Variants in PEX3 observed in about 807,000 individuals in gnomAD.
PEX3 encodes the protein peroxisomal biogenesis factor 3.
In PEX3, 30 loss-of-function variants were observed where a neutral mutation model predicts 55.8. The ratio of observed to expected loss-of-function variants is 0.54; its 90% confidence interval spans 0.40 to 0.73. PEX3 has a LOEUF of 0.73. Ranked by LOEUF, PEX3 falls within the 30% of genes least tolerant of loss-of-function variation. The pLI is 0.00. For missense variants in PEX3, 351 were observed against 432.8 expected, an observed-to-expected ratio of 0.81 and a Z score of 1.68; for synonymous variants, 135 against 148.4, an observed-to-expected ratio of 0.91 and a Z score of 0.66.
chr6:143,481,423 T>C (rs992195178), intron 10 of PEX3, among the ~76,000 whole-genome samples: 4 of 151,858 alleles, frequency 2.6e-5, no homozygotes, highest in Admixed American at 2.6e-4. Flanking sequence ...GTGAGGAGAC[T>C]AAGACACAGA....
In PEX3 at chr6:143,479,974, T is replaced by C. The variant is rs542040227; in HGVS notation, c.941+776T>C. ...TTTGAAGTAGCTTTAAAATTTTTTTTTTAATTGGGGACACAGTAATTGATA... is the reference window on the plus strand; with the variant it reads ...TTTGAAGTAGCTTTAAAATTTTTTTCTTAATTGGGGACACAGTAATTGATA... On this transcript the variant is annotated intron_variant, in intron 10 of 11. Transcript: ENST00000367591. This position sits in a 1 kb window ranked among gnomAD's most constrained non-coding sequence, Gnocchi z 4.6. Among the ~76,000 whole-genome samples, 2 of 152,206 alleles carry C rather than the reference T, an allele frequency of 1.3e-5. No individual in the cohort carries two copies. The highest frequency in any genetic ancestry group is 3.9e-4 in the East Asian group (2 of 5,190).
In PEX3 at chr6:143,479,598, G is replaced by A. The variant is rs761368182; in HGVS notation, c.941+400G>A. On this transcript the variant is annotated intron_variant, in intron 10 of 11. Transcript: ENST00000367591. This position sits in a 1 kb window ranked among gnomAD's most constrained non-coding sequence, Gnocchi z 4.6. The stretch of plus-strand genomic sequence containing the variant: ...CAATATTTTGTTCCTTATAATACCC[G>A]GGCATTGTTGGTATAGATTCTCATT... Among the ~76,000 whole-genome samples, 10 of 151,692 alleles carry A rather than the reference G, an allele frequency of 6.6e-5. No homozygotes were observed. The highest frequency in any genetic ancestry group is 1.0e-4 in the Non-Finnish European group (7 of 67,890).
chr6:143,486,428 C>T lies in PEX3; in HGVS notation c.1038+1180C>T, dbSNP rs769258315. Reference sequence around the variant, plus strand: ...AATGCTTAAATAATTTTATGCACTACACTTTAATTAAAATCGATATAATTG... The same window carrying T: ...AATGCTTAAATAATTTTATGCACTATACTTTAATTAAAATCGATATAATTG... On this transcript the variant is annotated intron_variant, in intron 11 of 11. Transcript: ENST00000367591. This position sits in a 1 kb window ranked among gnomAD's most constrained non-coding sequence, Gnocchi z 5.0. Among the ~76,000 whole-genome samples, 1 of 152,038 alleles carries T rather than the reference C, an allele frequency of 6.6e-6. No individual in the cohort carries two copies. The highest frequency in any genetic ancestry group is 1.5e-5 in the Non-Finnish European group (1 of 67,968).
chr6:143,484,985 G>A, intron 10 of PEX3, 167 bp from the exon 11 acceptor site: 1 of 597,292 alleles, frequency 1.7e-6, no homozygotes. Context: ...TGGTCATGAT[G>A]TCAATTAGAG....
At position 143,475,923 on chromosome 6, in the gene PEX3, A is replaced by G. The variant is rs995409709; in HGVS notation, c.818+1067A>G. On this transcript the variant is annotated intron_variant, in intron 9 of 11. Transcript: ENST00000367591. The surrounding 1 kb of genome is among the most constrained non-coding windows in gnomAD (Gnocchi z 4.4). ...CAACTATGTATTGGCTGTCTGTGGT[A>G]TATTAGGTACTGTTCTAAATGCTAG... 6.6e-6 allele frequency among the ~76,000 whole-genome samples: 1 copy of G among 152,240 alleles called. No individual in the cohort carries two copies. Among genetic ancestry groups the G allele is most frequent in the African/African-American group, 2.4e-5 (1 of 41,464 alleles).
chr6:143,454,177 C>T lies in PEX3; in HGVS notation c.73+3062C>T, dbSNP rs903254944. Among the ~76,000 whole-genome samples, 2 of 152,184 alleles carry T rather than the reference C, an allele frequency of 1.3e-5. No individual in the cohort carries two copies. The highest frequency in any genetic ancestry group is 2.9e-5 in the Non-Finnish European group (2 of 68,020). Reference sequence around the variant, plus strand: ...ATTGAAGAAAGCTGGATTCTCATCTCTTTCTATATTCTGTCAGTTGTGGTA... The same window carrying T: ...ATTGAAGAAAGCTGGATTCTCATCTTTTTCTATATTCTGTCAGTTGTGGTA... On this transcript the variant is annotated intron_variant, in intron 1 of 11. Transcript: ENST00000367591. This position sits in a 1 kb window ranked among gnomAD's most constrained non-coding sequence, Gnocchi z 4.3.
In PEX3 at chr6:143,485,350, C is replaced by CA. The variant is rs1316485566; in HGVS notation, c.1038+108dup. On this transcript the variant is annotated intron_variant, in intron 11 of 11. Transcript: ENST00000367591. This position sits in a 1 kb window ranked among gnomAD's most constrained non-coding sequence, Gnocchi z 5.6. ...TACATTCTCTGCTGAGAGGTTTTTTCAAAAAATCACAGAACTTGGAACTAC... is the reference window on the plus strand; with the variant it reads ...TACATTCTCTGCTGAGAGGTTTTTTCAAAAAAATCACAGAACTTGGAACTAC... The CA allele has an allele frequency of 1.3e-6, 1 of 758,416 alleles. No homozygotes were observed. Among genetic ancestry groups the CA allele is most frequent in the South Asian group, 1.4e-5 (1 of 72,310 alleles). The allele number at this position is 758,416 out of a possible 1,614,324, so 47.0% of individuals were successfully genotyped here. A position where few individuals can be genotyped will look rare whatever the true frequency, so the allele number is the denominator to read the frequency against.
intron 8 of PEX3, among the ~76,000 whole-genome samples, chr6:143,473,241 T>G (rs1780099346): frequency 6.6e-6 from 1 of 151,452 alleles, no homozygotes; most frequent in Non-Finnish European, 1.5e-5. Context: ...CATTCATGAG[T>G]AGGCCAAAAA....
rs1780268312 is a variant in PEX3 at position 143,483,360 on chromosome 6, A to G, written c.942-1792A>G. Among the ~76,000 whole-genome samples the G allele has an allele frequency of 6.6e-6, 1 of 152,210 alleles. No homozygotes were observed. Among genetic ancestry groups the G allele is most frequent in the Non-Finnish European group, 1.5e-5 (1 of 68,032 alleles). On this transcript the variant is annotated intron_variant, in intron 10 of 11. Transcript: ENST00000367591. The surrounding 1 kb of genome is among the most constrained non-coding windows in gnomAD (Gnocchi z 4.3). ...AACGTATAATAGAAAAATTTAAACA[A>G]AAGTAGACAGTCAAGCAGTTTTCCT...
intron 1 of PEX3, among the ~76,000 whole-genome samples, chr6:143,452,558 ATACT>A (rs1377728261): frequency 1.3e-5 from 2 of 152,240 alleles, no homozygotes; most frequent in African/African-American, 4.8e-5. Context: ...GCAAAAGAGT[ATACT>A]TAAACTTATA....
chr6:143,468,032 T>A, intron 3 of PEX3, 90 bp from the exon 4 acceptor site: 1 of 758,116 alleles, frequency 1.3e-6, no homozygotes, highest in Non-Finnish European at 2.2e-6. Context: ...TTAATTTTTT[T>A]TAAAAAGTAA....
intron 4 of PEX3, among the ~76,000 whole-genome samples, chr6:143,468,826 G>GT (rs1780030789): frequency 2.0e-5 from 1 of 49,958 alleles, no homozygotes; most frequent in African/African-American, 7.1e-5. Flanking sequence ...CCCCACGACA[G>GT]GCCCCAGTGT....
rs1223015917 is a variant in PEX3 at position 143,485,140 on chromosome 6, A to G, written c.942-12A>G. 2 of 1,449,182 alleles carry G rather than the reference A, an allele frequency of 1.4e-6. No homozygotes were observed. Among genetic ancestry groups the G allele is most frequent in the Non-Finnish European group, 1.9e-6 (2 of 1,029,710 alleles). 89.8% of individuals were successfully genotyped at this position (1,449,182 alleles called of 1,614,324 possible). On this transcript the variant is annotated splice_polypyrimidine_tract_variant and intron_variant, in intron 10 of 11. Coordinates refer to ENST00000367591, the MANE Select transcript of PEX3 (RefSeq NM_003630.3). This position sits in a 1 kb window ranked among gnomAD's most constrained non-coding sequence, Gnocchi z 5.6. ...ATTTCAGAAAATAATCATTACTGTA[A>G]TGATTTTTCAGTCTTTCCAGTGTCA...
chr6:143,469,154 A>C (rs1780036060), intron 4 of PEX3, among the ~76,000 whole-genome samples: 1 of 152,178 alleles, frequency 6.6e-6, no homozygotes, highest in South Asian at 2.1e-4. Flanking sequence ...ATGTGTCTTT[A>C]TAGCAGCATG....
intron 10 of PEX3, among the ~76,000 whole-genome samples, chr6:143,484,008 T>C (rs775384187): frequency 2.0e-5 from 3 of 152,114 alleles, no homozygotes; most frequent in Non-Finnish European, 4.4e-5. Context: ...CTTTATTCTT[T>C]TTTAAGCATT....
Position 143,450,871 on chromosome 6 carries a change from C to T in PEX3, c.-172C>T. ...TAGCTGCTTTGCTGTAGTCCACGCC[C>T]CCTTGCCGCTCCGGTGACAGTCTCT... On this transcript the variant is annotated 5_prime_UTR_variant, in exon 1 of 12. Transcript: ENST00000367591. 1.3e-6 allele frequency: 1 copy of T among 784,820 alleles called. No homozygotes were observed. The highest frequency in any genetic ancestry group is 2.2e-6 in the Non-Finnish European group (1 of 444,514). 48.6% of individuals were successfully genotyped at this position (784,820 alleles called of 1,614,324 possible).
chr6:143,467,991 C>G (rs530944629), intron 3 of PEX3, 131 bp from the exon 4 acceptor site: 109 of 566,554 alleles, frequency 1.9e-4, no homozygotes, highest in African/African-American at 1.9e-3. Context: ...ATTTTGTGGG[C>G]TTGCTTTTCT....
chr6:143,464,657 A>G lies in PEX3; in HGVS notation c.287+1660A>G, dbSNP rs771197000. 5.9e-5 allele frequency among the ~76,000 whole-genome samples: 9 copies of G among 151,758 alleles called. No homozygotes were observed. Among genetic ancestry groups the G allele is most frequent in the Non-Finnish European group, 1.0e-4 (7 of 67,818 alleles). ...TTCAGTTTCCTCTTTAAATATCTCA[A>G]TGTTACTTCTTCTTGGCTTTCTTTT... On this transcript the variant is annotated intron_variant, in intron 3 of 11. Transcript: ENST00000367591. This position sits in a 1 kb window ranked among gnomAD's most constrained non-coding sequence, Gnocchi z 5.8.
At chr6:143,474,458 CAAAAA>C (rs569947921) in intron 8 of PEX3, among the ~76,000 whole-genome samples, 1 of 66,062 alleles carries the variant, frequency 1.5e-5, no homozygotes. Flanking sequence ...GACTCCGTCT[CAAAAA>C]AAAAAAAAAA....
Sources: allele counts gnomAD v4.1 joint callset (sites outside exome capture counted in the v4.1 genomes callset), GRCh38; gene constraint gnomAD v4.1.1; non-coding constraint Gnocchi (gnomAD v3.1); transcripts MANE v1.5; gene names NCBI Gene and HGNC (gene_info 2026-07-23, HGNC 2026-07-21).